Variants in LGALSL observed in about 807,000 individuals in gnomAD.
The protein encoded by LGALSL is galectin-related protein.
In LGALSL, 13 loss-of-function variants were observed where a neutral mutation model predicts 19.5. The ratio of observed to expected loss-of-function variants is 0.67; its 90% CI spans 0.43 to 1.06. The LOEUF is 1.06. Ranked by LOEUF, LGALSL falls within the 50% of genes least tolerant of loss-of-function variation. The probability of loss-of-function intolerance (pLI) is 0.00; values close to 1 mark genes in which losing one functional copy is unlikely to be tolerated. For missense variants in LGALSL, 189 were observed against 219.3 expected, an observed-to-expected ratio of 0.86 and a Z score of 0.87; for synonymous variants, 86 against 78.3, an observed-to-expected ratio of 1.10 and a Z score of -0.52.
In LGALSL at chr2:64,460,024, T is replaced by G. The variant is rs1686793501; in HGVS notation, c.*1596T>G. 6.6e-6 allele frequency: 1 copy of G among 151,988 alleles called. No homozygotes were observed. The highest frequency in any genetic ancestry group is 2.4e-5 in the African/African-American group (1 of 41,402). The allele number at this position is 151,988 out of a possible 1,614,324, so 9.4% of individuals were successfully genotyped here. ...CTTTCCTTTTTTGAGTTTTTTTTTTTTTTTTACACAACATGCAGAGGCACT... is the reference window on the plus strand; with the variant it reads ...CTTTCCTTTTTTGAGTTTTTTTTTTGTTTTTACACAACATGCAGAGGCACT... On this transcript the variant is annotated 3_prime_UTR_variant, in exon 5 of 5. Transcript: ENST00000238875.
chr2:64,455,311 A>C (rs956869266), intron 1 of LGALSL, 33 bp from the exon 2 acceptor site: 33 of 1,499,084 alleles, frequency 2.2e-5, no homozygotes, highest in Non-Finnish European at 3.0e-5. Flanking sequence ...AAAAGAGCCC[A>C]TGGAAAGCCA....
At position 64,456,445 on chromosome 2, in the gene LGALSL, A is replaced by C; in HGVS notation, c.355A>C (p.Ile119Leu). ...EQSAIPYFPF[I>L]PDQPFRVEIL... is the part of the protein sequence containing the mutation. The stretch of plus-strand genomic sequence containing the variant: ...GTCAGCAATCCCTTACTTTCCATTC[A>C]TTCCAGACCAGCCATTCAGGGTGAG... Residue 119 changes from isoleucine (I) to leucine (L), a missense_variant, in exon 4 of 5, where the codon ATT becomes CTT. By Grantham distance (5) the Ile-to-Leu change is conservative (BLOSUM62 2). This residue lies in a region of LGALSL where 106 missense variants were observed against 119.3 expected (regional missense o/e 0.89). Transcript: ENST00000238875. The C allele has an allele frequency of 6.3e-7, 1 of 1,586,786 alleles. No homozygotes were observed. The highest frequency in any genetic ancestry group is 1.1e-5 in the South Asian group (1 of 87,102).
At position 64,458,713 on chromosome 2, in the gene LGALSL, G is replaced by A; in HGVS notation, c.*285G>A. ...GTAGCAAATTATTCATCTTTTCAAA[G>A]CAAGGCAATGCTTAGAAACAGAAGT... is the stretch of plus-strand genomic sequence containing the variant. On this transcript the variant is annotated 3_prime_UTR_variant, in exon 5 of 5. Transcript: ENST00000238875. The A allele has an allele frequency of 3.5e-6, 1 of 284,618 alleles. No homozygotes were observed. The highest frequency in any genetic ancestry group is 6.5e-6 in the Non-Finnish European group (1 of 153,218). The allele number at this position is 284,618 out of a possible 1,614,324, so 17.6% of individuals were successfully genotyped here.
At position 64,458,399 on chromosome 2, in the gene LGALSL, G is replaced by A; in HGVS notation, c.490G>A (p.Gly164Arg). ...LSAIDTIKINGDLQITKLG is the reference protein window; with the variant it reads ...LSAIDTIKINRDLQITKLG ...TGCAATTGACACCATAAAGATAAAT[G>A]GAGACCTCCAGATCACCAAGCTTGG... Residue 164 changes from glycine (G) to arginine (R), a missense_variant, in exon 5 of 5, where the codon GGA (glycine) becomes AGA (arginine). Gly to Arg is a moderately radical substitution (Grantham distance 125). Around this residue, in one of 3 missense-constraint regions of LGALSL, gnomAD observed 106 missense variants for 119.3 expected, o/e 0.89. Coordinates refer to ENST00000238875, the MANE Select transcript of LGALSL (RefSeq NM_014181.3). 6.2e-7 allele frequency: 1 copy of A among 1,613,712 alleles called. No homozygotes were observed. The highest frequency in any genetic ancestry group is 2.2e-5 in the East Asian group (1 of 44,874).
chr2:64,454,616 C>T lies in LGALSL; in HGVS notation c.36+35C>T. 7.4e-7 allele frequency: 1 copy of T among 1,357,424 alleles called. No homozygotes were observed. The highest frequency in any genetic ancestry group is 3.2e-5 in the East Asian group (1 of 31,492). 84.1% of individuals were successfully genotyped at this position (1,357,424 alleles called of 1,614,324 possible). A position where few individuals can be genotyped will look rare whatever the true frequency, so the allele number is the denominator to read the frequency against. On this transcript the variant is annotated intron_variant, in intron 1 of 4. Transcript: ENST00000238875. The surrounding 1 kb of genome is among the most constrained non-coding windows in gnomAD (Gnocchi z 5.1). ...GCAGGGCGCGCGCGAGGCGCCCCTCCCCGCCGTCCCGCACTCCGCCGCCGC... is the reference window on the plus strand; with the variant it reads ...GCAGGGCGCGCGCGAGGCGCCCCTCTCCGCCGTCCCGCACTCCGCCGCCGC...
chr2:64,455,241 G>A (rs1686715048), intron 1 of LGALSL, 103 bp from the exon 2 acceptor site: 5 of 793,758 alleles, frequency 6.3e-6, no homozygotes, highest in Non-Finnish European at 1.1e-5. Context: ...GACACTGTGT[G>A]CATGTGGAAG....
chr2:64,455,226 C>G (rs549363339), intron 1 of LGALSL, 118 bp from the exon 2 acceptor site: 3 of 754,408 alleles, frequency 4.0e-6, no homozygotes, highest in Non-Finnish European at 7.3e-6. Context: ...GAGGCATCAT[C>G]TGCAGACACT....
chr2:64,459,303 C>T lies in LGALSL; in HGVS notation c.*875C>T, dbSNP rs2103711108. On this transcript the variant is annotated 3_prime_UTR_variant, in exon 5 of 5. Transcript: ENST00000238875. ...GGCTTCCTTAAGACTAATTATTTCT[C>T]TCTTGATTTATATAATAGCTCATTA... 1 of 152,278 alleles carries T rather than the reference C, an allele frequency of 6.6e-6. No homozygotes were observed. The highest frequency in any genetic ancestry group is 1.5e-5 in the Non-Finnish European group (1 of 68,024). 9.4% of individuals were successfully genotyped at this position (152,278 alleles called of 1,614,324 possible).
At chr2:64,457,854 T>C (rs549501946) in intron 4 of LGALSL, among the ~76,000 whole-genome samples, 52 of 152,260 alleles carry the variant, frequency 3.4e-4, no homozygotes, top group Admixed American at 6.5e-4. Flanking sequence ...CTCATGAATG[T>C]GAGTAACCAC....
In LGALSL at chr2:64,458,559, T is replaced by A; in HGVS notation, c.*131T>A. Reference sequence around the variant, plus strand: ...ACAAATGGCAAGTTTCACTTAAGGGTGGTTTGCCCTTAAGAAGAAAGCTGT... The same window carrying A: ...ACAAATGGCAAGTTTCACTTAAGGGAGGTTTGCCCTTAAGAAGAAAGCTGT... On this transcript the variant is annotated 3_prime_UTR_variant, in exon 5 of 5. Transcript: ENST00000238875. 1.1e-6 allele frequency: 1 copy of A among 891,800 alleles called. No homozygotes were observed. Among genetic ancestry groups the A allele is most frequent in the Non-Finnish European group, 1.7e-6 (1 of 597,746 alleles). 55.2% of individuals were successfully genotyped at this position (891,800 alleles called of 1,614,324 possible).
In LGALSL at chr2:64,455,399, T is replaced by G. The variant is rs779329388; in HGVS notation, c.92T>G (p.Val31Gly). 6.8e-6 allele frequency: 11 copies of G among 1,613,240 alleles called. No homozygotes were observed. Among genetic ancestry groups the G allele is most frequent in the Non-Finnish European group, 9.3e-6 (11 of 1,179,276 alleles). Residue 31 changes from valine to glycine, a missense_variant, in exon 2 of 5, where the codon GTG becomes GGG. By Grantham distance (109) the Val-to-Gly change is moderately radical. Coordinates refer to ENST00000238875, the MANE Select transcript of LGALSL (RefSeq NM_014181.3). ...NSLSSPVQAD[V>G]YFPRLIVPFC... ...TTGAGCTCTCCAGTTCAAGCGGACG[T>G]GTACTTCCCACGACTGGTAAATGAT... is the stretch of plus-strand genomic sequence containing the variant.
Position 64,458,373 on chromosome 2 carries a change from C to G in LGALSL, c.464C>G (p.Ser155Cys). The stretch of plus-strand genomic sequence containing the variant: ...TTTTACCATCGCATTCAAACGTTAT[C>G]TGCAATTGACACCATAAAGATAAAT... ...FDFYHRIQTLSAIDTIKINGD... is the reference protein window; with the variant it reads ...FDFYHRIQTLCAIDTIKINGD... Residue 155 changes from serine (S) to cysteine (C), a missense_variant, in exon 5 of 5, where the codon TCT becomes TGT. Physicochemically the swap from Ser to Cys is moderately radical, Grantham distance 112 (BLOSUM62 -1). Coordinates refer to ENST00000238875, the MANE Select transcript of LGALSL (RefSeq NM_014181.3). 1 of 1,614,000 alleles carries G rather than the reference C, an allele frequency of 6.2e-7. No homozygotes were observed. The highest frequency in any genetic ancestry group is 8.5e-7 in the Non-Finnish European group (1 of 1,179,864).
Position 64,458,445 on chromosome 2 carries a change from T to TA in LGALSL, c.*17_*18insA, listed in dbSNP as rs1558566427. ...CTTGGCTGATTTAAACCACCTCTAT[T>TA]TCAAATAGGATCACGTGCCACAACT... On this transcript the variant is annotated 3_prime_UTR_variant, in exon 5 of 5. Transcript: ENST00000238875. 1 of 1,608,192 alleles carries TA rather than the reference T, an allele frequency of 6.2e-7. No individual in the cohort carries two copies. The highest frequency in any genetic ancestry group is 1.1e-5 in the South Asian group (1 of 90,476).
Position 64,455,690 on chromosome 2 carries a change from C to G in LGALSL, c.197+13C>G. On this transcript the variant is annotated intron_variant, in intron 3 of 4. Transcript: ENST00000238875. ...TCAACCCAGAGAGGTAAGGCAGAGT[C>G]TTTGTCAGGACAGAACTATCAGGCT... 1 of 1,593,574 alleles carries G rather than the reference C, an allele frequency of 6.3e-7. No individual in the cohort carries two copies. Among genetic ancestry groups the G allele is most frequent in the Non-Finnish European group, 8.6e-7 (1 of 1,161,234 alleles).
Position 64,454,773 on chromosome 2 carries a change from G to A in LGALSL, c.36+192G>A, listed in dbSNP as rs925465310. On this transcript the variant is annotated intron_variant, in intron 1 of 4. Coordinates refer to ENST00000238875, the MANE Select transcript of LGALSL (RefSeq NM_014181.3). This position sits in a 1 kb window ranked among gnomAD's most constrained non-coding sequence, Gnocchi z 5.1. Reference sequence around the variant, plus strand: ...TGTTAGGGGCTGGAGAGGCTCCCGGGCTGCGGGGCTCTGGGCTGGGGAGGG... The same window carrying A: ...TGTTAGGGGCTGGAGAGGCTCCCGGACTGCGGGGCTCTGGGCTGGGGAGGG... Among the ~76,000 whole-genome samples the A allele has an allele frequency of 2.0e-5, 3 of 152,208 alleles. No homozygotes were observed. The East Asian group carries it at 5.8e-4, about 30-fold the overall frequency.
chr2:64,456,456 G>C lies in LGALSL; in HGVS notation c.366G>C (p.Gln122His). ...AIPYFPFIPD[Q>H]PFRVEILCEH... is the part of the protein sequence containing the mutation. ...CTTACTTTCCATTCATTCCAGACCA[G>C]CCATTCAGGGTGAGTACCTCGAGTG... The change falls in exon 4 of 5, where the codon CAG (glutamine) becomes CAC (histidine). Residue 122 changes from glutamine (Q) to histidine (H), a missense_variant. Physicochemically the swap from Gln to His is conservative, Grantham distance 24. Around this residue, in one of 3 missense-constraint regions of LGALSL, gnomAD observed 106 missense variants for 119.3 expected, o/e 0.89. Transcript: ENST00000238875. 1 of 1,575,930 alleles carries C rather than the reference G, an allele frequency of 6.3e-7. No individual in the cohort carries two copies. The highest frequency in any genetic ancestry group is 1.4e-5 in the African/African-American group (1 of 73,016).
chr2:64,458,196 T>TA, intron 4 of LGALSL, 89 bp from the exon 5 acceptor site: 1 of 1,232,670 alleles, frequency 8.1e-7, no homozygotes, highest in Non-Finnish European at 1.2e-6. Context: ...CCACTGAAGA[T>TA]ACTGCCTTTC....
In LGALSL at chr2:64,454,359, C is replaced by A. The variant is rs1686691196; in HGVS notation, c.-187C>A. 2.6e-6 allele frequency: 1 copy of A among 391,504 alleles called. No homozygotes were observed. The highest frequency in any genetic ancestry group is 6.4e-4 in the Middle Eastern group (1 of 1,558). The allele number at this position is 391,504 out of a possible 1,614,324, so 24.3% of individuals were successfully genotyped here. ...CAGCTCGCGCTGCCTCCCTCCCCTC[C>A]CCTCCTCCCAGGCTCTGCCTGCCAG... On this transcript the variant is annotated 5_prime_UTR_variant, in exon 1 of 5. Coordinates refer to ENST00000238875, the MANE Select transcript of LGALSL (RefSeq NM_014181.3). The surrounding 1 kb of genome is among the most constrained non-coding windows in gnomAD (Gnocchi z 5.1).
At position 64,454,400 on chromosome 2, in the gene LGALSL, C is replaced by T; in HGVS notation, c.-146C>T. 2.6e-6 allele frequency: 1 copy of T among 379,708 alleles called. No individual in the cohort carries two copies. Among genetic ancestry groups the T allele is most frequent in the Non-Finnish European group, 4.6e-6 (1 of 219,186 alleles). The allele number at this position is 379,708 out of a possible 1,614,324, so 23.5% of individuals were successfully genotyped here. On this transcript the variant is annotated 5_prime_UTR_variant, in exon 1 of 5. Transcript: ENST00000238875. The surrounding 1 kb of genome is among the most constrained non-coding windows in gnomAD (Gnocchi z 5.1). ...TGCCTGCCAGGTCGGCGCCGGGCCCCGGGCGCGCGCGCGCGCGCCCCCTCG... is the reference window on the plus strand; with the variant it reads ...TGCCTGCCAGGTCGGCGCCGGGCCCTGGGCGCGCGCGCGCGCGCCCCCTCG...
Sources: gnomAD v4.1 joint callset for allele counts (sites outside exome capture counted in the v4.1 genomes callset) on GRCh38, gnomAD v4.1.1 for gene constraint, gnomAD v4.1.1 regional missense constraint, Gnocchi (gnomAD v3.1) non-coding constraint, MANE v1.5 for transcripts, NCBI Gene and HGNC (gene_info 2026-07-23, HGNC 2026-07-21) for gene names.